The following TMEM132D variants were observed in gnomAD, a reference collection of about 807,000 sequenced individuals.
TMEM132D encodes the protein mature OL transmembrane protein.
In TMEM132D, 21 loss-of-function variants were observed where a neutral mutation model predicts 62.3. That is an observed-to-expected ratio of 0.34 (90% CI 0.24 to 0.49). The LOEUF is 0.49. Among genes scored for constraint, TMEM132D ranks in the 20% least tolerant of loss-of-function variants. TMEM132D has a pLI of 0.99. For synonymous variants in TMEM132D, 621 were observed against 575.6 expected (o/e 1.08, Z -1.13); for missense variants, 1,346 against 1,402.8 (o/e 0.96, Z 0.65).
At chr12:129,662,652 G>C (rs1280940485) in intron 2 of TMEM132D, among the ~76,000 whole-genome samples, 2 of 152,046 alleles carry the variant, frequency 1.3e-5, no homozygotes, top group Non-Finnish European at 1.5e-5. Context: ...AATTAGCTGG[G>C]CATGGTGGCA....
chr12:129,111,760 T>A (rs1230646402), intron 5 of TMEM132D: 1 of 152,258 alleles, frequency 6.6e-6, no homozygotes, highest in Non-Finnish European at 1.5e-5. Flanking sequence ...GGAGGGTTCT[T>A]TGCTTAATAT....
intron 3 of TMEM132D, among the ~76,000 whole-genome samples, chr12:129,475,473 A>G (rs1593028071): frequency 6.6e-6 from 1 of 152,396 alleles, no homozygotes; most frequent in East Asian, 1.9e-4. Flanking sequence ...AAACAGAGAC[A>G]GAAAATAAAG....
intron 5 of TMEM132D, among the ~76,000 whole-genome samples, chr12:129,164,639 A>G (rs567802360): frequency 6.6e-6 from 1 of 152,344 alleles, no homozygotes; most frequent in East Asian, 1.9e-4. Context: ...GTGAAGGGGA[A>G]GCAAGGCACC....
chr12:129,158,385 GAA>G (rs5801838), intron 5 of TMEM132D, among the ~76,000 whole-genome samples: 4 of 151,110 alleles, frequency 2.6e-5, no homozygotes, highest in African/African-American at 9.7e-5. Context: ...AGGTTTTTGA[GAA>G]AAAAAAAATA....
chr12:129,774,881 G>A (rs577459165), intron 1 of TMEM132D, among the ~76,000 whole-genome samples: 3 of 152,304 alleles, frequency 2.0e-5, no homozygotes, highest in African/African-American at 7.2e-5. Context: ...GCTGAGTAAT[G>A]GATCTGTGAC....
At chr12:129,368,384 G>A (rs1011061203) in intron 3 of TMEM132D, among the ~76,000 whole-genome samples, 2 of 151,952 alleles carry the variant, frequency 1.3e-5, no homozygotes, top group Admixed American at 6.6e-5. Flanking sequence ...ATCCTTGTTT[G>A]AGCTTATAAA....
chr12:129,491,616 C>T (rs997328608), intron 3 of TMEM132D, among the ~76,000 whole-genome samples: 1 of 152,122 alleles, frequency 6.6e-6, no homozygotes, highest in Non-Finnish European at 1.5e-5. Flanking sequence ...GAGGAGATAC[C>T]ATCATCTTGC....
intron 3 of TMEM132D, among the ~76,000 whole-genome samples, chr12:129,505,973 A>G (rs1875317471): frequency 6.6e-6 from 1 of 151,856 alleles, no homozygotes; most frequent in Non-Finnish European, 1.5e-5. Flanking sequence ...ATTCTTATCC[A>G]CTCTGTGAGT....
At chr12:129,321,519 G>T (rs1868704512) in intron 4 of TMEM132D, among the ~76,000 whole-genome samples, 1 of 151,628 alleles carries the variant, frequency 6.6e-6, no homozygotes, top group African/African-American at 2.4e-5. Context: ...GAAGATAAAT[G>T]TGGTCCTCAC....
chr12:129,709,894 CA>C (rs1881600514), intron 1 of TMEM132D, among the ~76,000 whole-genome samples: 1 of 152,164 alleles, frequency 6.6e-6, no homozygotes. Flanking sequence ...TGAGCTATGA[CA>C]CAAAAATTGT....
In TMEM132D at chr12:129,840,607, A is replaced by C. The variant is rs1873162114; in HGVS notation, c.79+62654T>G. On this transcript the variant is annotated intron_variant, in intron 1 of 8. Coordinates refer to ENST00000422113, the MANE Select transcript of TMEM132D (RefSeq NM_133448.3). ...CTCCGAGAAGGCACACACAGAAAGT[A>C]AAAAGCCCAGGGCGGGGGCTGCGCA... The C allele has an allele frequency of 2.0e-5, 3 of 152,218 alleles. No homozygotes were observed. The South Asian group carries it at 6.2e-4, about 32-fold the overall frequency. The allele number at this position is 152,218 out of a possible 1,614,324, so 9.4% of individuals were successfully genotyped here. A position where few individuals can be genotyped will look rare whatever the true frequency, so the allele number is the denominator to read the frequency against.
At chr12:129,733,808 G>A (rs532609205) in intron 1 of TMEM132D, among the ~76,000 whole-genome samples, 1 of 152,182 alleles carries the variant, frequency 6.6e-6, no homozygotes, top group South Asian at 2.1e-4. Flanking sequence ...ATGAGGAAGG[G>A]CCGTAACCTG....
At position 129,142,028 on chromosome 12, in the gene TMEM132D, T is replaced by A. The variant is rs181411931; in HGVS notation, c.1444-57326A>T. On this transcript the variant is annotated intron_variant, in intron 5 of 8. Coordinates refer to ENST00000422113, the MANE Select transcript of TMEM132D (RefSeq NM_133448.3). ...ATATATATATAAATATATATATTTT[T>A]AAAAAATAGACTGATATTGGCCTGC... Among the ~76,000 whole-genome samples the A allele has an allele frequency of 4.7e-3, 703 of 148,806 alleles. 5 individuals carry two copies. The highest frequency in any genetic ancestry group is 0.016 in the African/African-American group (651 of 40,972).
At chr12:129,618,412 G>T (rs557347473) in intron 2 of TMEM132D, among the ~76,000 whole-genome samples, 2 of 152,322 alleles carry the variant, frequency 1.3e-5, no homozygotes, top group East Asian at 1.9e-4. Context: ...TGATGTGTTT[G>T]TTCGCTTAAC....
At chr12:129,196,708 T>C (rs151044950) in intron 5 of TMEM132D, among the ~76,000 whole-genome samples, 166 of 152,318 alleles carry the variant, frequency 1.1e-3, no homozygotes, top group African/African-American at 3.7e-3. Context: ...TTTTGATGTG[T>C]TCCCATTTCT....
At chr12:129,463,837 G>C (rs1015894112) in intron 3 of TMEM132D, among the ~76,000 whole-genome samples, 6 of 151,834 alleles carry the variant, frequency 4.0e-5, no homozygotes, top group African/African-American at 9.7e-5. Context: ...GTATTCCATG[G>C]TGTATATGTG....
Position 129,329,269 on chromosome 12 carries a change from A to G in TMEM132D, c.1299+8365T>C, listed in dbSNP as rs543008554. ...GCAATGGCTACTCAACAAACACACAATGCAAGAAGGTGCTTTAGAGAAGAG... is the reference window on the plus strand; with the variant it reads ...GCAATGGCTACTCAACAAACACACAGTGCAAGAAGGTGCTTTAGAGAAGAG... On this transcript the variant is annotated intron_variant, in intron 4 of 8. Coordinates refer to ENST00000422113, the MANE Select transcript of TMEM132D (RefSeq NM_133448.3). 2.0e-5 allele frequency among the ~76,000 whole-genome samples: 3 copies of G among 152,230 alleles called. No individual in the cohort carries two copies. The East Asian group carries it at 5.8e-4, about 29-fold the overall frequency.
intron 5 of TMEM132D, among the ~76,000 whole-genome samples, chr12:129,102,659 T>C (rs577489643): frequency 2.2e-4 from 33 of 152,338 alleles, no homozygotes; most frequent in African/African-American, 7.2e-4. Flanking sequence ...TGAATTTTGT[T>C]TCTCCTTTTG....
rs1436556160 is a variant in TMEM132D at position 129,573,989 on chromosome 12, C to T, written c.969-42784G>A. Among the ~76,000 whole-genome samples the T allele has an allele frequency of 1.3e-5, 2 of 151,792 alleles. 1 individual carries two copies. Among genetic ancestry groups the T allele is most frequent in the African/African-American group, 4.9e-5 (2 of 41,134 alleles). ...ATGCATAGAGGAACTCTATGGGGCCCGGGTGATGATCTTTGTCTCAATCAG... is the reference window on the plus strand; with the variant it reads ...ATGCATAGAGGAACTCTATGGGGCCTGGGTGATGATCTTTGTCTCAATCAG... On this transcript the variant is annotated intron_variant, in intron 2 of 8. Transcript: ENST00000422113.
Sources: allele counts gnomAD v4.1 joint callset (sites outside exome capture counted in the v4.1 genomes callset), GRCh38; gene constraint gnomAD v4.1.1; transcripts MANE v1.5; gene names NCBI Gene and HGNC (gene_info 2026-07-23, HGNC 2026-07-21).